AKNAD1: variants seen among roughly 807,000 people sequenced by gnomAD.
The protein encoded by AKNAD1 is AKNA domain containing 1.
A neutral mutation model predicts 90.8 loss-of-function variants in AKNAD1; 67 were observed. The ratio of observed to expected loss-of-function variants is 0.74; its 90% CI spans 0.61 to 0.90. The LOEUF is 0.90. Among genes scored for constraint, AKNAD1 ranks in the 40% least tolerant of loss-of-function variants. The probability of loss-of-function intolerance (pLI) is 0.00; values close to 1 mark genes in which losing one functional copy is unlikely to be tolerated. For synonymous variants in AKNAD1, 327 were observed against 341.4 expected (o/e 0.96, Z 0.46); for missense variants, 957 against 975.4 (o/e 0.98, Z 0.25).
In AKNAD1 at chr1:108,823,384, T is replaced by C; in HGVS notation, c.2153A>G (p.Lys718Arg). 3 of 1,613,418 alleles carry C rather than the reference T, an allele frequency of 1.9e-6. No homozygotes were observed. The highest frequency in any genetic ancestry group is 2.5e-6 in the Non-Finnish European group (3 of 1,179,312). The change falls in exon 13 of 16, where the codon AAA becomes AGA. Residue 718 changes from lysine to arginine, a missense_variant. Physicochemically the swap from Lys to Arg is conservative, Grantham distance 26. Transcript: ENST00000370001. ...FVQPHSLDES[K>R]NSSPSFLKPK... ...GATGTACTTACAGGGTGAAGAGTTTTTACTTTCATCTAAAGAATGGGGCTG... is the reference window on the plus strand; with the variant it reads ...GATGTACTTACAGGGTGAAGAGTTTCTACTTTCATCTAAAGAATGGGGCTG...
chr1:108,854,104 G>A (rs1440093584), intron 1 of AKNAD1, among the ~76,000 whole-genome samples: 5 of 152,140 alleles, frequency 3.3e-5, no homozygotes, highest in Admixed American at 2.0e-4. Flanking sequence ...CCCAGGCGGC[G>A]GTCTGGTGGT....
At chr1:108,834,895 C>G in intron 8 of AKNAD1, 34 bp downstream of exon 8, 1 of 1,506,852 alleles carries the variant, frequency 6.6e-7, no homozygotes, top group South Asian at 1.3e-5. Context: ...TTTCTGTGTC[C>G]TGTGTCTGCT....
At chr1:108,854,310 C>T (rs1004596757) in intron 1 of AKNAD1, among the ~76,000 whole-genome samples, 1 of 152,192 alleles carries the variant, frequency 6.6e-6, no homozygotes, top group Admixed American at 6.5e-5. Flanking sequence ...GATTCCCTCT[C>T]CCCTGGAGCA....
chr1:108,831,803 T>C (rs1177816892), intron 9 of AKNAD1, among the ~76,000 whole-genome samples: 1 of 152,040 alleles, frequency 6.6e-6, no homozygotes, highest in Non-Finnish European at 1.5e-5. Context: ...ATTTTTTGTA[T>C]TTTTAGTGGA....
intron 5 of AKNAD1, among the ~76,000 whole-genome samples, chr1:108,845,334 T>C (rs1447737856): frequency 1.3e-5 from 2 of 152,092 alleles, no homozygotes; most frequent in East Asian, 3.9e-4. Context: ...GAGAGAGGAG[T>C]TGGAGGATGA....
At position 108,837,340 on chromosome 1, in the gene AKNAD1, A is replaced by G. The variant is rs1251518714; in HGVS notation, c.1536+210T>C. On this transcript the variant is annotated intron_variant, in intron 7 of 15. Coordinates refer to ENST00000370001, the MANE Select transcript of AKNAD1 (RefSeq NM_152763.5). The stretch of plus-strand genomic sequence containing the variant: ...AAACAGCATTGTTACATCCTAAACT[A>G]TAAAGATGTTTCAAAAATTAACACT... 9.7e-6 allele frequency: 5 copies of G among 515,594 alleles called. No homozygotes were observed. The East Asian group carries it at 1.5e-4, about 15-fold the overall frequency. 31.9% of individuals were successfully genotyped at this position (515,594 alleles called of 1,614,324 possible). A position where few individuals can be genotyped will look rare whatever the true frequency, so the allele number is the denominator to read the frequency against.
At chr1:108,845,034 G>A (rs539283377) in intron 5 of AKNAD1, among the ~76,000 whole-genome samples, 1 of 152,064 alleles carries the variant, frequency 6.6e-6, no homozygotes, top group Admixed American at 6.5e-5. Flanking sequence ...GGCCAGGCTG[G>A]TCTCAAACTC....
Position 108,837,605 on chromosome 1 carries a change from C to A in AKNAD1, c.1481G>T (p.Ser494Ile). 1 of 1,614,166 alleles carries A rather than the reference C, an allele frequency of 6.2e-7. No homozygotes were observed. The highest frequency in any genetic ancestry group is 2.2e-5 in the East Asian group (1 of 44,878). Residue 494 changes from serine to isoleucine, a missense_variant, in exon 7 of 16, where the codon AGT (serine) becomes ATT (isoleucine). Coordinates refer to ENST00000370001, the MANE Select transcript of AKNAD1 (RefSeq NM_152763.5). ...CAAGTCATCCAGGGTAACTGGAGAA[C>A]TCACAGGAAGGGAAGGAGCTGAAGT... ...KYTSAPSLPV[S>I]SPVTLDDLAS... is the part of the protein sequence containing the mutation.
chr1:108,849,458 G>T, intron 3 of AKNAD1, 79 bp downstream of exon 3: 2 of 910,890 alleles, frequency 2.2e-6, no homozygotes, highest in Non-Finnish European at 3.6e-6. Flanking sequence ...CAGCCTGGGT[G>T]ACAGAGTGAG....
chr1:108,843,315 G>C, intron 5 of AKNAD1, 48 bp from the exon 6 acceptor site: 1 of 1,601,158 alleles, frequency 6.2e-7, no homozygotes, highest in South Asian at 1.1e-5. Context: ...GCCTGTGTGT[G>C]TAATTGTTTT....
At chr1:108,831,228 A>C (rs1443564428) in intron 9 of AKNAD1, among the ~76,000 whole-genome samples, 20 of 152,230 alleles carry the variant, frequency 1.3e-4, no homozygotes, top group Non-Finnish European at 1.5e-5. Flanking sequence ...GAGGGCTGTT[A>C]CCACCCACTG....
chr1:108,839,471 T>TAAAAAAAAAAAGAAAAAAAAAAAAAA (rs1553203224), intron 6 of AKNAD1, among the ~76,000 whole-genome samples: 20 of 126,098 alleles, frequency 1.6e-4, no homozygotes, highest in African/African-American at 2.7e-4. Flanking sequence ...TCCGTCTCAA[T>TAAAAAAAAAAAGAAAAAAAAAAAAAA]AAAAAAAAAA....
rs41279672 is a variant in AKNAD1 at position 108,835,039 on chromosome 1, G to A, written c.1554C>T (p.Pro518=). The change falls in exon 8 of 16, where the codon CCC becomes CCT. Residue 518 remains proline, a synonymous_variant. Coordinates refer to ENST00000370001, the MANE Select transcript of AKNAD1 (RefSeq NM_152763.5). ...AGCCTCGAGGCCCAGAAGGGTGGCCGGGGTGCTCCTTGGGAATCTGGGGGA... is the reference window on the plus strand; with the variant it reads ...AGCCTCGAGGCCCAGAAGGGTGGCCAGGGTGCTCCTTGGGAATCTGGGGGA... The part of the protein sequence containing the change: ...SLSNEIPKEH[P]GHPSGPRGSG... 702 of 1,576,066 alleles carry A rather than the reference G, an allele frequency of 4.5e-4. No individual in the cohort carries two copies. Among genetic ancestry groups the A allele is most frequent in the African/African-American group, 7.4e-4 (53 of 71,558 alleles).
Position 108,842,613 on chromosome 1 carries a change from C to CT in AKNAD1, c.1379+520dup, listed in dbSNP as rs1664582954. Reference sequence around the variant, plus strand: ...CACCAATTAACTTTACAATGACCCCCTCCTGCCCAGTGTGCCTTGGAATTA... The same window carrying CT: ...CACCAATTAACTTTACAATGACCCCCTTCCTGCCCAGTGTGCCTTGGAATTA... On this transcript the variant is annotated intron_variant, in intron 6 of 15. Transcript: ENST00000370001. Among the ~76,000 whole-genome samples, 4 of 152,152 alleles carry CT rather than the reference C, an allele frequency of 2.6e-5. 1 individual carries two copies. In the South Asian group the frequency reaches 8.3e-4, roughly 32 times the overall value.
chr1:108,830,810 A>T, intron 9 of AKNAD1, 160 bp from the exon 10 acceptor site: 1 of 659,248 alleles, frequency 1.5e-6, no homozygotes. Flanking sequence ...AGGGAGGCGC[A>T]GGGGGACAGG....
intron 6 of AKNAD1, among the ~76,000 whole-genome samples, chr1:108,840,543 C>CTT (rs1407962452): frequency 4.6e-5 from 7 of 152,050 alleles, no homozygotes; most frequent in Non-Finnish European, 1.0e-4. Context: ...TTATTAGTAA[C>CTT]ATGAGTGTAT....
At chr1:108,843,008 T>C (rs1352174840) in intron 6 of AKNAD1, 126 bp downstream of exon 6, 27 of 1,219,736 alleles carry the variant, frequency 2.2e-5, no homozygotes, top group Non-Finnish European at 3.0e-5. Flanking sequence ...TGTTCATTGG[T>C]GACACAGTTT....
chr1:108,826,916 T>A (rs1391227590), intron 11 of AKNAD1, among the ~76,000 whole-genome samples: 1 of 150,894 alleles, frequency 6.6e-6, no homozygotes, highest in African/African-American at 2.4e-5. Flanking sequence ...ATTTTTGTAT[T>A]TTTTTTGTAC....
chr1:108,855,439 GA>G (rs1190240577), intron 1 of AKNAD1, among the ~76,000 whole-genome samples: 1 of 150,478 alleles, frequency 6.6e-6, no homozygotes, highest in East Asian at 2.0e-4. Flanking sequence ...ATCTCTACAA[GA>G]ACTTTAAGAC....
Sources: allele counts gnomAD v4.1 joint callset (sites outside exome capture counted in the v4.1 genomes callset), GRCh38; gene constraint gnomAD v4.1.1; transcripts MANE v1.5; gene names NCBI Gene and HGNC (gene_info 2026-07-23, HGNC 2026-07-21).